The following VPS37A variants were observed in gnomAD, a reference collection of about 807,000 sequenced individuals.
VPS37A encodes VPS37A subunit of ESCRT-I.
VPS37A carries 30 observed loss-of-function variants against 49.8 expected under a neutral mutation model. That is an observed-to-expected ratio of 0.60 (90% CI 0.45 to 0.82). VPS37A has a LOEUF of 0.82. Ranked by LOEUF, VPS37A falls within the 40% of genes least tolerant of loss-of-function variation. The pLI is 0.00. For synonymous variants in VPS37A, 195 were observed against 160.6 expected (o/e 1.21, Z -1.62); for missense variants, 593 against 464.4 (o/e 1.28, Z -2.55).
At position 17,263,505 on chromosome 8, in the gene VPS37A, CTTAG is replaced by C. The variant is rs371733096; in HGVS notation, c.126-2399_126-2396del. Reference sequence around the variant, plus strand: ...GTATCACCTTCTGTTATTTGTGATACTTAGTTTGTGAAGAAAACTCATAAAAAAA... The same window carrying C: ...GTATCACCTTCTGTTATTTGTGATACTTTGTGAAGAAAACTCATAAAAAAA... On this transcript the variant is annotated intron_variant, in intron 1 of 11. Coordinates refer to ENST00000324849, the MANE Select transcript of VPS37A (RefSeq NM_152415.3). Among the ~76,000 whole-genome samples, 938 of 139,268 alleles carry C rather than the reference CTTAG, an allele frequency of 6.7e-3. 13 individuals carry two copies. Among genetic ancestry groups the C allele is most frequent in the African/African-American group, 0.027 (894 of 33,608 alleles). The allele number at this position is 139,268 out of a possible 152,430, so 91.4% of individuals were successfully genotyped here. A position where few individuals can be genotyped will look rare whatever the true frequency, so the allele number is the denominator to read the frequency against.
At chr8:17,315,984 T>C in the VPS37A span, among the ~76,000 whole-genome samples, 1 of 152,152 alleles carries the variant, frequency 6.6e-6, no homozygotes, top group African/African-American at 2.4e-5. Context: ...CTGCACTCCA[T>C]CCTGGGTGAT....
intron 1 of VPS37A, among the ~76,000 whole-genome samples, chr8:17,263,248 C>G (rs1008948621): frequency 6.6e-6 from 1 of 151,278 alleles, no homozygotes; most frequent in African/African-American, 2.4e-5. Flanking sequence ...GGTTTTTTGG[C>G]AACTTTTTTT....
chr8:17,288,475 GT>G (rs1815833115), intron 11 of VPS37A, among the ~76,000 whole-genome samples: 1 of 152,036 alleles, frequency 6.6e-6, no homozygotes, highest in Admixed American at 6.6e-5. Context: ...GCATTAGTTG[GT>G]TTTCTGTTCC....
chr8:17,299,248 A>T (rs1417904526), downstream of VPS37A: 3 of 152,292 alleles, frequency 2.0e-5, no homozygotes, highest in Non-Finnish European at 4.4e-5. Flanking sequence ...TATAGATCTC[A>T]GAGAAAAGCA....
At chr8:17,300,315 G>A (rs561948406), downstream of VPS37A, 101 of 1,328,434 alleles carry the variant, frequency 7.6e-5, no homozygotes, top group Admixed American at 2.2e-3. Context: ...TACCTCCCAC[G>A]TGGGTATAAT....
At chr8:17,291,569 G>C (rs1244993282) in intron 11 of VPS37A, among the ~76,000 whole-genome samples, 3 of 151,124 alleles carry the variant, frequency 2.0e-5, no homozygotes, top group African/African-American at 7.3e-5. Flanking sequence ...GTGATGTTAG[G>C]GTGTTGATTT....
the VPS37A span, among the ~76,000 whole-genome samples, chr8:17,325,580 G>C: frequency 1.3e-5 from 2 of 152,168 alleles, no homozygotes; most frequent in African/African-American, 4.8e-5. Flanking sequence ...CCACATGCCT[G>C]AGCTGACGCG....
chr8:17,289,243 A>G (rs1266791521), intron 11 of VPS37A, among the ~76,000 whole-genome samples: 2 of 151,940 alleles, frequency 1.3e-5, no homozygotes, highest in African/African-American at 2.4e-5. Flanking sequence ...TTTTGTTGCC[A>G]TTGTTTTTTT....
chr8:17,279,026 A>G (rs1404259425), intron 6 of VPS37A, among the ~76,000 whole-genome samples: 1 of 151,980 alleles, frequency 6.6e-6, no homozygotes, highest in African/African-American at 2.4e-5. Context: ...GCCCTCCATT[A>G]TTTCTTTTCT....
chr8:17,292,211 C>T (rs1373244370), intron 11 of VPS37A, among the ~76,000 whole-genome samples: 2 of 152,134 alleles, frequency 1.3e-5, no homozygotes, highest in Non-Finnish European at 2.9e-5. Flanking sequence ...GATCCCTTTA[C>T]CATTATGTAA....
chr8:17,301,832 TTC>T (rs1233330655), downstream of VPS37A: 8 of 384,430 alleles, frequency 2.1e-5, no homozygotes, highest in East Asian at 4.2e-5. Context: ...TTTGATTTTA[TTC>T]TGTTACTTTT....
chr8:17,287,993 A>G (rs1231656351), intron 11 of VPS37A, among the ~76,000 whole-genome samples: 1 of 152,298 alleles, frequency 6.6e-6, no homozygotes, highest in East Asian at 1.9e-4. Flanking sequence ...TGTCCAGTAA[A>G]CTATTTCTGC....
rs1406395856 is a variant in VPS37A at position 17,284,495 on chromosome 8, A to C, written c.992A>C (p.Gln331Pro). 6.3e-7 allele frequency: 1 copy of C among 1,594,112 alleles called. No homozygotes were observed. ...CAGAGCTGTAGTGCAAGTGCCCTTC[A>C]GGCAAGATTGAAAGTAGCTGCACAT... ...LSESCSASALQARLKVAAHEA... is the reference protein window; with the variant it reads ...LSESCSASALPARLKVAAHEA... Residue 331 changes from glutamine to proline, a missense_variant, in exon 10 of 12, where the codon CAG becomes CCG. Transcript: ENST00000324849.
chr8:17,332,152 C>G, the VPS37A span, among the ~76,000 whole-genome samples: 13 of 152,190 alleles, frequency 8.5e-5, no homozygotes, highest in African/African-American at 2.9e-4. Flanking sequence ...GCTGACCATT[C>G]TCCTCCTCCA....
chr8:17,320,543 TAGAA>T, the VPS37A span, among the ~76,000 whole-genome samples: 1 of 152,136 alleles, frequency 6.6e-6, no homozygotes. Flanking sequence ...GCTGATGATC[TAGAA>T]GCCAATTTCC....
At chr8:17,251,931 AGACTT>A (rs1302450479) in intron 1 of VPS37A, among the ~76,000 whole-genome samples, 1 of 152,138 alleles carries the variant, frequency 6.6e-6, no homozygotes, top group East Asian at 1.9e-4. Flanking sequence ...CACAGCTATA[AGACTT>A]TGTCCCCCTA....
At chr8:17,319,725 C>T in the VPS37A span, among the ~76,000 whole-genome samples, 1 of 152,204 alleles carries the variant, frequency 6.6e-6, no homozygotes, top group Non-Finnish European at 1.5e-5. Context: ...GCTTGTCCAG[C>T]ATCTCCCAGC....
rs772705621 is a variant in VPS37A at position 17,284,660 on chromosome 8, TG to T, written c.1113+46del. ...TTGAGGACAAGTATTGGATAAAGTT[TG>T]GTATTTTTATAGAGGAGGAGAAGCA... On this transcript the variant is annotated intron_variant, in intron 10 of 11. Coordinates refer to ENST00000324849, the MANE Select transcript of VPS37A (RefSeq NM_152415.3). 6 of 1,544,390 alleles carry T rather than the reference TG, an allele frequency of 3.9e-6. No individual in the cohort carries two copies. In the South Asian group the frequency reaches 6.4e-5, roughly 17 times the overall value.
At chr8:17,292,432 G>C (rs564839605) in intron 11 of VPS37A, among the ~76,000 whole-genome samples, 1 of 152,132 alleles carries the variant, frequency 6.6e-6, no homozygotes, top group African/African-American at 2.4e-5. Context: ...TTGCCAGTCT[G>C]TGCCTTTTAA....
Sources: gnomAD v4.1 joint callset for allele counts (sites outside exome capture counted in the v4.1 genomes callset) on GRCh38, gnomAD v4.1.1 for gene constraint, MANE v1.5 for transcripts, NCBI Gene and HGNC (gene_info 2026-07-23, HGNC 2026-07-21) for gene names.